The following BMPER variants were observed in gnomAD, a reference collection of about 807,000 sequenced individuals.
BMPER encodes the protein BMP binding endothelial regulator.
BMPER carries 45 observed loss-of-function variants against 87.3 expected under a neutral mutation model. The observed-to-expected ratio is 0.52, with a 90% CI of 0.41 to 0.66. BMPER has a LOEUF of 0.66. Among genes scored for constraint, BMPER ranks in the 30% least tolerant of loss-of-function variants. BMPER has a pLI of 0.00. For synonymous variants in BMPER, 326 were observed against 316.2 expected (o/e 1.03, Z -0.33); for missense variants, 784 against 867.5 (o/e 0.90, Z 1.21).
At chr7:34,103,368 T>C (rs1484901223) in intron 13 of BMPER, among the ~76,000 whole-genome samples, 1 of 152,180 alleles carries the variant, frequency 6.6e-6, no homozygotes, top group African/African-American at 2.4e-5. Context: ...AGGCATCACA[T>C]TTATCAGTAG....
intron 12 of BMPER, among the ~76,000 whole-genome samples, chr7:34,081,299 T>C (rs1257954879): frequency 6.6e-6 from 1 of 152,258 alleles, no homozygotes; most frequent in Non-Finnish European, 1.5e-5. Flanking sequence ...CTTTGAGTGT[T>C]CTTCCATAGA....
chr7:34,101,684 C>T (rs1330463752), intron 13 of BMPER, among the ~76,000 whole-genome samples: 1 of 152,166 alleles, frequency 6.6e-6, no homozygotes, highest in African/African-American at 2.4e-5. Context: ...TCTCTGATTC[C>T]TGGGGTCTGT....
chr7:34,046,189 G>A lies in BMPER; in HGVS notation c.577-117G>A, dbSNP rs929547360. 4.2e-6 allele frequency: 4 copies of A among 949,112 alleles called. No homozygotes were observed. In the African/African-American group the frequency reaches 6.5e-5, roughly 15 times the overall value. The allele number at this position is 949,112 out of a possible 1,614,324, so 58.8% of individuals were successfully genotyped here. The stretch of plus-strand genomic sequence containing the variant: ...GGGGAAAATCACATGGGCCTGAGCA[G>A]TCAGTCTAGGGACCTAATACTATGG... On this transcript the variant is annotated intron_variant, in intron 6 of 14. Coordinates refer to ENST00000649409, the MANE Select transcript of BMPER (RefSeq NM_001365308.1).
intron 6 of BMPER, among the ~76,000 whole-genome samples, chr7:34,035,159 G>A (rs1156751077): frequency 2.0e-5 from 3 of 152,254 alleles, no homozygotes; most frequent in African/African-American, 2.4e-5. Flanking sequence ...GAATAGTGCC[G>A]GAAACCTCTA....
intron 3 of BMPER, among the ~76,000 whole-genome samples, chr7:33,958,077 T>C (rs1268803591): frequency 1.3e-5 from 2 of 152,174 alleles, no homozygotes; most frequent in Admixed American, 1.3e-4. Context: ...TTGTTGGTTG[T>C]TTGTTGTCTT....
Position 34,153,318 on chromosome 7 carries a change from A to G in BMPER, c.*45A>G, listed in dbSNP as rs1791231916. On this transcript the variant is annotated 3_prime_UTR_variant, in exon 15 of 15. Transcript: ENST00000649409. ...GACTCTGAAATCTGGTGACTTTGACACTGAAGCGGAAGAGCCAATGAAGGA... is the reference window on the plus strand; with the variant it reads ...GACTCTGAAATCTGGTGACTTTGACGCTGAAGCGGAAGAGCCAATGAAGGA... 6.2e-7 allele frequency: 1 copy of G among 1,607,728 alleles called. No individual in the cohort carries two copies. Among genetic ancestry groups the G allele is most frequent in the Non-Finnish European group, 8.5e-7 (1 of 1,175,406 alleles).
At chr7:33,921,683 C>G in intron 2 of BMPER, 1 of 464,308 alleles carries the variant, frequency 2.2e-6, no homozygotes, top group Non-Finnish European at 4.5e-6. Context: ...GGGATGGATT[C>G]CCACAGGGAT....
intron 6 of BMPER, among the ~76,000 whole-genome samples, chr7:33,980,620 C>T (rs1785826679): frequency 6.6e-6 from 1 of 152,118 alleles, no homozygotes; most frequent in African/African-American, 2.4e-5. Flanking sequence ...ATTTTAAGAA[C>T]CCCAGGGGCT....
At chr7:34,097,900 G>A (rs1400817974) in intron 13 of BMPER, among the ~76,000 whole-genome samples, 1 of 152,100 alleles carries the variant, frequency 6.6e-6, no homozygotes, top group Non-Finnish European at 1.5e-5. Context: ...GGTTAAAAGG[G>A]TTAGGAGCTA....
chr7:33,984,497 C>T (rs1785949446), intron 6 of BMPER, among the ~76,000 whole-genome samples: 1 of 152,052 alleles, frequency 6.6e-6, no homozygotes, highest in South Asian at 2.1e-4. Flanking sequence ...GTGGGCTTAT[C>T]TCTCCATTGC....
At chr7:33,951,967 A>G (rs1398677500) in intron 3 of BMPER, among the ~76,000 whole-genome samples, 1 of 152,218 alleles carries the variant, frequency 6.6e-6, no homozygotes, top group African/African-American at 2.4e-5. Flanking sequence ...CCTTCTTTGA[A>G]TTCCATAGAG....
rs559573506 is a variant in BMPER at position 34,145,348 on chromosome 7, C to G, written c.1876+1988C>G. 3.3e-5 allele frequency among the ~76,000 whole-genome samples: 5 copies of G among 152,330 alleles called. No homozygotes were observed. The South Asian group carries it at 1.0e-3, about 32-fold the overall frequency. On this transcript the variant is annotated intron_variant, in intron 14 of 14. Coordinates refer to ENST00000649409, the MANE Select transcript of BMPER (RefSeq NM_001365308.1). ...CTCCATTTTGGTTGCGCCCCCACCTCTGCAAACCCAAGTCCAATCTTTATA... is the reference window on the plus strand; with the variant it reads ...CTCCATTTTGGTTGCGCCCCCACCTGTGCAAACCCAAGTCCAATCTTTATA...
chr7:34,110,804 G>A (rs1368878921), intron 13 of BMPER, among the ~76,000 whole-genome samples: 1 of 152,084 alleles, frequency 6.6e-6, no homozygotes, highest in African/African-American at 2.4e-5. Context: ...CATTCAAACT[G>A]AATAATCAGA....
intron 3 of BMPER, among the ~76,000 whole-genome samples, chr7:33,964,315 A>C (rs1409262245): frequency 6.6e-6 from 1 of 152,220 alleles, no homozygotes; most frequent in Non-Finnish European, 1.5e-5. Context: ...TGTGGATTAC[A>C]TATACTAAAG....
chr7:34,102,025 C>T (rs560322211), intron 13 of BMPER, among the ~76,000 whole-genome samples: 8 of 152,338 alleles, frequency 5.3e-5, no homozygotes, highest in Admixed American at 4.6e-4. Flanking sequence ...AGTTGTAACA[C>T]ATTTCATTTG....
intron 13 of BMPER, among the ~76,000 whole-genome samples, chr7:34,137,229 G>A (rs917611510): frequency 2.0e-5 from 3 of 152,206 alleles, no homozygotes; most frequent in Non-Finnish European, 4.4e-5. Flanking sequence ...GGAGAGGAGT[G>A]CAATAAGTTC....
At chr7:33,909,718 C>T (rs150828835) in intron 2 of BMPER, among the ~76,000 whole-genome samples, 2 of 147,668 alleles carry the variant, frequency 1.4e-5, no homozygotes, top group African/African-American at 2.5e-5. Flanking sequence ...CTAACGTCAA[C>T]GTATGCTTAA....
At chr7:33,995,201 A>G (rs1786371000) in intron 6 of BMPER, among the ~76,000 whole-genome samples, 1 of 152,114 alleles carries the variant, frequency 6.6e-6, no homozygotes, top group African/African-American at 2.4e-5. Context: ...GTATTAAAAA[A>G]CTAAAAAGAC....
intron 13 of BMPER, among the ~76,000 whole-genome samples, chr7:34,097,443 C>A (rs1308395326): frequency 1.3e-5 from 2 of 152,192 alleles, no homozygotes; most frequent in Non-Finnish European, 2.9e-5. Context: ...TAACTATGGG[C>A]AGGTTATACT....
Sources: allele counts gnomAD v4.1 joint callset (sites outside exome capture counted in the v4.1 genomes callset), GRCh38; gene constraint gnomAD v4.1.1; transcripts MANE v1.5; gene names NCBI Gene and HGNC (gene_info 2026-07-23, HGNC 2026-07-21).